ENOX1: variants seen among roughly 807,000 people sequenced by gnomAD.
The protein encoded by ENOX1 is ecto-NOX disulfide-thiol exchanger 1.
ENOX1 carries 42 observed loss-of-function variants against 82.5 expected under a neutral mutation model. The ratio of observed to expected loss-of-function variants is 0.51; its 90% CI spans 0.40 to 0.66. ENOX1 has a LOEUF of 0.66. ENOX1 is among the 30% of genes least tolerant of loss of function. The pLI is 0.00. For missense variants in ENOX1, 608 were observed against 811.6 expected (o/e 0.75, Z 3.05); for synonymous variants, 271 against 282.2 (o/e 0.96, Z 0.40).
intron 12 of ENOX1, among the ~76,000 whole-genome samples, chr13:43,284,047 T>C (rs1412796357): frequency 1.3e-5 from 2 of 152,170 alleles, no homozygotes; most frequent in Non-Finnish European, 2.9e-5. Flanking sequence ...TACCACTCTT[T>C]TGACATCTGT....
intron 8 of ENOX1, among the ~76,000 whole-genome samples, chr13:43,346,797 C>T (rs1469992218): frequency 6.6e-6 from 1 of 152,194 alleles, no homozygotes; most frequent in African/African-American, 2.4e-5. Context: ...CTCTACCTCT[C>T]TTCCCACCAA....
chr13:43,274,131 C>T (rs1427564497), intron 12 of ENOX1, among the ~76,000 whole-genome samples: 1 of 152,198 alleles, frequency 6.6e-6, no homozygotes, highest in Non-Finnish European at 1.5e-5. Context: ...AGGAAAACAG[C>T]AGTTTCATTT....
chr13:43,450,899 C>A (rs2056931273), intron 3 of ENOX1, among the ~76,000 whole-genome samples: 1 of 152,072 alleles, frequency 6.6e-6, no homozygotes. Context: ...TTTTTAAAAA[C>A]AACAACATAA....
intron 11 of ENOX1, among the ~76,000 whole-genome samples, chr13:43,303,359 C>G (rs150747631): frequency 2.8e-4 from 42 of 152,352 alleles, no homozygotes; most frequent in African/African-American, 8.7e-4. Context: ...TGCTTCTCTG[C>G]ATTCTGAATC....
At chr13:43,606,336 AT>A (rs1297642720) in intron 2 of ENOX1, among the ~76,000 whole-genome samples, 9 of 152,218 alleles carry the variant, frequency 5.9e-5, no homozygotes. Context: ...GGAAATCAGT[AT>A]TTCAAAGAGA....
chr13:43,648,822 G>A (rs2084017769), intron 2 of ENOX1, among the ~76,000 whole-genome samples: 1 of 152,156 alleles, frequency 6.6e-6, no homozygotes, highest in Non-Finnish European at 1.5e-5. Context: ...TTTTCAGTGA[G>A]AGTACTCAGC....
chr13:43,596,353 T>C (rs1178862408), intron 2 of ENOX1, among the ~76,000 whole-genome samples: 2 of 152,194 alleles, frequency 1.3e-5, no homozygotes, highest in African/African-American at 2.4e-5. Flanking sequence ...AAAACAACAA[T>C]TATCATAGGA....
At chr13:43,631,434 T>C (rs1486371633) in intron 2 of ENOX1, among the ~76,000 whole-genome samples, 1 of 152,168 alleles carries the variant, frequency 6.6e-6, no homozygotes, top group African/African-American at 2.4e-5. Context: ...CAGGTAAGCC[T>C]GGGGCTCTTT....
chr13:43,523,233 C>A (rs919523288), intron 2 of ENOX1, among the ~76,000 whole-genome samples: 1 of 152,142 alleles, frequency 6.6e-6, no homozygotes, highest in African/African-American at 2.4e-5. Context: ...GTTCCTTGAA[C>A]CTAACCCAGA....
chr13:43,331,607 T>C (rs747008827), intron 9 of ENOX1, among the ~76,000 whole-genome samples: 21 of 152,148 alleles, frequency 1.4e-4, no homozygotes, highest in Non-Finnish European at 2.5e-4. Context: ...CCACCCCAGC[T>C]TGTTTTTGTT....
intron 12 of ENOX1, among the ~76,000 whole-genome samples, chr13:43,275,206 A>C (rs928230971): frequency 2.0e-5 from 3 of 152,178 alleles, no homozygotes; most frequent in Non-Finnish European, 4.4e-5. Flanking sequence ...TTTTGTGTAT[A>C]CTTCTGTGAG....
chr13:43,694,562 ATGAG>A (rs1049239097), intron 1 of ENOX1, among the ~76,000 whole-genome samples: 6 of 152,222 alleles, frequency 3.9e-5, no homozygotes, highest in Non-Finnish European at 7.3e-5. Flanking sequence ...TGAGAAGTAA[ATGAG>A]TGAGTCGTAT....
At chr13:43,675,460 T>A (rs563812866) in intron 1 of ENOX1, among the ~76,000 whole-genome samples, 3 of 152,288 alleles carry the variant, frequency 2.0e-5, no homozygotes, top group Non-Finnish European at 4.4e-5. Flanking sequence ...GCTTGCTTGA[T>A]CTCTGCCTTA....
intron 12 of ENOX1, among the ~76,000 whole-genome samples, chr13:43,294,001 T>A (rs537954151): frequency 6.6e-6 from 1 of 151,914 alleles, no homozygotes; most frequent in African/African-American, 2.4e-5. Context: ...ATAATCATCC[T>A]ACTTTTCCCA....
At chr13:43,303,656 T>TTG (rs2046708137) in intron 11 of ENOX1, among the ~76,000 whole-genome samples, 2 of 152,152 alleles carry the variant, frequency 1.3e-5, no homozygotes, top group Admixed American at 6.5e-5. Flanking sequence ...CCTTGGACTG[T>TTG]TGTGTGCCCA....
chr13:43,714,256 T>G (rs577198884), intron 1 of ENOX1, among the ~76,000 whole-genome samples: 2 of 152,356 alleles, frequency 1.3e-5, no homozygotes, highest in South Asian at 4.1e-4. Flanking sequence ...AGTTCTAGTT[T>G]GATTGCACTG....
chr13:43,780,495 G>T (rs1235342936), intron 1 of ENOX1, among the ~76,000 whole-genome samples: 1 of 152,126 alleles, frequency 6.6e-6, no homozygotes, highest in Admixed American at 6.5e-5. Context: ...ACACAGATGT[G>T]AATAAAACCC....
At chr13:43,761,708 A>G (rs1008877475) in intron 1 of ENOX1, among the ~76,000 whole-genome samples, 1 of 152,192 alleles carries the variant, frequency 6.6e-6, no homozygotes, top group Non-Finnish European at 1.5e-5. Flanking sequence ...TTCTTGGAAT[A>G]TAACATTTTA....
intron 10 of ENOX1, among the ~76,000 whole-genome samples, chr13:43,323,372 T>C (rs1033320694): frequency 6.6e-6 from 1 of 152,178 alleles, no homozygotes; most frequent in Non-Finnish European, 1.5e-5. Flanking sequence ...TACAATCAAG[T>C]TATTTATTTG....
Sources: allele counts gnomAD v4.1 joint callset (sites outside exome capture counted in the v4.1 genomes callset), GRCh38; gene constraint gnomAD v4.1.1; transcripts MANE v1.5; gene names NCBI Gene and HGNC (gene_info 2026-07-23, HGNC 2026-07-21).